WDR41: variants seen among roughly 807,000 people sequenced by gnomAD.
The protein encoded by WDR41 is WD repeat domain 41.
Under a neutral mutation model 69.3 loss-of-function variants are expected in WDR41, and 63 were observed. The observed-to-expected ratio is 0.91, with a 90% confidence interval of 0.74 to 1.12. The LOEUF is 1.12. WDR41 is among the 50% of genes most tolerant of loss of function. WDR41 has a pLI of 0.00. For missense variants in WDR41, 543 were observed against 534.5 expected (o/e 1.02, Z -0.16); for synonymous variants, 185 against 192.1 (o/e 0.96, Z 0.31).
At chr5:77,595,572 T>C (rs1744212632) in intron 1 of WDR41, among the ~76,000 whole-genome samples, 1 of 151,168 alleles carries the variant, frequency 6.6e-6, no homozygotes. Context: ...AAACATTTTG[T>C]CCCGCATTTC....
At chr5:77,536,562 C>T (rs138877708) in intron 1 of WDR41, among the ~76,000 whole-genome samples, 1 of 152,244 alleles carries the variant, frequency 6.6e-6, no homozygotes, top group African/African-American at 2.4e-5. Context: ...CAGTCATGCA[C>T]CATATTAACA....
chr5:77,613,127 G>C (rs1580053621), intron 1 of WDR41, among the ~76,000 whole-genome samples: 1 of 151,578 alleles, frequency 6.6e-6, no homozygotes. Flanking sequence ...ACAAACCACT[G>C]CTCAATGAAA....
At chr5:77,573,720 G>A (rs1050525871) in intron 1 of WDR41, among the ~76,000 whole-genome samples, 5 of 152,152 alleles carry the variant, frequency 3.3e-5, no homozygotes, top group East Asian at 1.9e-4. Flanking sequence ...GAGATTAAAA[G>A]AGACTAACTT....
At chr5:77,551,523 C>T (rs558893403) in intron 1 of WDR41, among the ~76,000 whole-genome samples, 190 of 150,240 alleles carry the variant, frequency 1.3e-3, no homozygotes, top group Admixed American at 2.3e-3. Flanking sequence ...ACTAAAAACA[C>T]AAGAATTAGC....
chr5:77,567,927 A>G (rs901683215), intron 1 of WDR41, among the ~76,000 whole-genome samples: 1 of 151,710 alleles, frequency 6.6e-6, no homozygotes, highest in Non-Finnish European at 1.5e-5. Flanking sequence ...GTTGAAAATC[A>G]GTGCCTAGGG....
chr5:77,569,162 T>G (rs2112270650), intron 1 of WDR41, among the ~76,000 whole-genome samples: 1 of 152,308 alleles, frequency 6.6e-6, no homozygotes. Flanking sequence ...CCTACAATAC[T>G]GCAACATTTT....
chr5:77,475,662 C>T (rs995677211), intron 2 of WDR41, among the ~76,000 whole-genome samples: 4 of 152,164 alleles, frequency 2.6e-5, no homozygotes, highest in Non-Finnish European at 5.9e-5. Context: ...ACACCAAAAA[C>T]CCATCTGTAC....
chr5:77,532,873 A>T (rs1350454866), intron 1 of WDR41, among the ~76,000 whole-genome samples: 2 of 152,082 alleles, frequency 1.3e-5, no homozygotes, highest in African/African-American at 2.4e-5. Context: ...AAAGGAGGGG[A>T]TTATGATTGG....
chr5:77,617,186 C>T (rs1196392090), intron 1 of WDR41, among the ~76,000 whole-genome samples: 1 of 152,182 alleles, frequency 6.6e-6, no homozygotes, highest in Non-Finnish European at 1.5e-5. Context: ...GGGTTTTGAG[C>T]ACTGAAAATG....
At chr5:77,475,837 C>T (rs1800895678) in intron 2 of WDR41, among the ~76,000 whole-genome samples, 1 of 152,140 alleles carries the variant, frequency 6.6e-6, no homozygotes, top group Admixed American at 6.5e-5. Context: ...CTTTGACAAG[C>T]TGAGAGAAGA....
At chr5:77,509,574 G>C (rs560573627) in intron 1 of WDR41, among the ~76,000 whole-genome samples, 10 of 152,122 alleles carry the variant, frequency 6.6e-5, no homozygotes, top group Non-Finnish European at 1.2e-4. Context: ...GAAAACATTA[G>C]CGAAGTGAAA....
intron 1 of WDR41, among the ~76,000 whole-genome samples, chr5:77,547,450 AT>A (rs1425140588): frequency 6.6e-6 from 1 of 152,020 alleles, no homozygotes; most frequent in Non-Finnish European, 1.5e-5. Context: ...CTGTACACAA[AT>A]CAGTAGCTCT....
chr5:77,566,144 G>A (rs1055784136), intron 1 of WDR41, among the ~76,000 whole-genome samples: 1 of 152,090 alleles, frequency 6.6e-6, no homozygotes, highest in Non-Finnish European at 1.5e-5. Flanking sequence ...TTCATAAGAG[G>A]AAGCATTGAA....
chr5:77,536,344 A>T (rs1459298708), intron 1 of WDR41, among the ~76,000 whole-genome samples: 2 of 152,110 alleles, frequency 1.3e-5, no homozygotes, highest in Non-Finnish European at 2.9e-5. Flanking sequence ...AGTGCAATAA[A>T]AGAGATAAAA....
At chr5:77,517,314 A>T (rs1315099817) in intron 1 of WDR41, among the ~76,000 whole-genome samples, 1 of 152,160 alleles carries the variant, frequency 6.6e-6, no homozygotes, top group Admixed American at 6.5e-5. Context: ...ATCTTTAAAC[A>T]TCACAAATCT....
intron 2 of WDR41, among the ~76,000 whole-genome samples, chr5:77,477,042 G>C (rs2112031542): frequency 6.7e-6 from 1 of 148,846 alleles, no homozygotes; most frequent in East Asian, 2.0e-4. Context: ...TGATAAAACA[G>C]ACTTTAAACC....
chr5:77,473,822 C>T (rs375060681), intron 2 of WDR41, among the ~76,000 whole-genome samples: 10 of 152,108 alleles, frequency 6.6e-5, no homozygotes, highest in South Asian at 2.1e-4. Context: ...TGTGGAGAAA[C>T]AGGAACACTT....
rs1202320868 is a variant in WDR41, at chr5:77,545,699, C to T, written c.43-56127G>A. 6.7e-5 allele frequency: 33 copies of T among 490,056 alleles called. No homozygotes were observed. In the South Asian group the frequency reaches 8.5e-4, roughly 13 times the overall value. 30.4% of individuals were successfully genotyped at this position (490,056 alleles called of 1,614,324 possible). ...CTCAAGGATGAGGTTTTAAAGGTTA[C>T]GCCAGTGCAGAAGCAGACCCACGCT... On this transcript the variant is annotated intron_variant, in intron 1 of 5. Coordinates refer to the WDR41 transcript ENST00000509971.
chr5:77,504,349 C>A (rs1314188122), intron 1 of WDR41, among the ~76,000 whole-genome samples: 1 of 152,130 alleles, frequency 6.6e-6, no homozygotes, highest in Non-Finnish European at 1.5e-5. Context: ...CTGAATAGAA[C>A]AATAACAGGC....
Sources: gnomAD v4.1 joint callset for allele counts (sites outside exome capture counted in the v4.1 genomes callset) on GRCh38, gnomAD v4.1.1 for gene constraint, MANE v1.5 for transcripts, NCBI Gene and HGNC (gene_info 2026-07-23, HGNC 2026-07-21) for gene names.